KCNQ5: variants seen among roughly 807,000 people sequenced by gnomAD.
The protein encoded by KCNQ5 is potassium voltage-gated channel subfamily KQT member 5.
In KCNQ5, 30 loss-of-function variants were observed where a neutral mutation model predicts 98.2. The ratio of observed to expected loss-of-function variants is 0.31; its 90% CI spans 0.23 to 0.41. The LOEUF (loss-of-function observed/expected upper bound fraction) is 0.41, where lower values mean the gene tolerates loss of function less well. KCNQ5 is among the 10% of genes least tolerant of loss of function. The probability of loss-of-function intolerance (pLI) is 1.00; values close to 1 mark genes in which losing one functional copy is unlikely to be tolerated. For missense variants in KCNQ5, 835 were observed against 1,182.5 expected (o/e 0.71, Z 4.31); for synonymous variants, 458 against 449.4 (o/e 1.02, Z -0.24).
intron 2 of KCNQ5, among the ~76,000 whole-genome samples, chr6:73,035,106 A>C (rs1379011893): frequency 1.3e-5 from 2 of 151,886 alleles, no homozygotes; most frequent in Non-Finnish European, 2.9e-5. Context: ...CGGCTTCCGA[A>C]AGCGCTGGGA....
At position 72,684,274 on chromosome 6, in the gene KCNQ5, C is replaced by T. The variant is rs577218384; in HGVS notation, c.398+61687C>T. On this transcript the variant is annotated intron_variant, in intron 1 of 13. Coordinates refer to ENST00000370398, the MANE Select transcript of KCNQ5 (RefSeq NM_019842.4). ...TTGTGTGCACTGGCAGCAATGGCAT[C>T]CCACGCTTCCCTGACACTGGAGGAT... Among the ~76,000 whole-genome samples, 4 of 152,294 alleles carry T rather than the reference C, an allele frequency of 2.6e-5. No individual in the cohort carries two copies. In the South Asian group the frequency reaches 8.3e-4, roughly 32 times the overall value.
chr6:73,005,950 A>C (rs973222035), intron 2 of KCNQ5, among the ~76,000 whole-genome samples: 6 of 152,260 alleles, frequency 3.9e-5, no homozygotes, highest in Admixed American at 1.3e-4. Flanking sequence ...TAAGATTCAC[A>C]GATGAAATTC....
At chr6:72,976,408 T>G (rs1480579962) in intron 1 of KCNQ5, among the ~76,000 whole-genome samples, 3 of 152,214 alleles carry the variant, frequency 2.0e-5, no homozygotes, top group Non-Finnish European at 4.4e-5. Context: ...TTAAACCACA[T>G]AGATTCGTAT....
rs370376974 is a variant in KCNQ5, at chr6:72,683,360, A to G, written c.398+60773A>G. 3.5e-3 allele frequency among the ~76,000 whole-genome samples: 462 copies of G among 133,818 alleles called. 3 individuals are homozygous for G. The highest frequency in any genetic ancestry group is 0.013 in the African/African-American group (447 of 33,212). The allele number at this position is 133,818 out of a possible 152,430, so 87.8% of individuals were successfully genotyped here. ...TGAAGCAAGTGCTTGTTAGCCACAT[A>G]TACTTTTTTTTTTTTTTTTTTTTTT... On this transcript the variant is annotated intron_variant, in intron 1 of 13. Transcript: ENST00000370398.
intron 1 of KCNQ5, among the ~76,000 whole-genome samples, chr6:72,772,930 T>C (rs1322868294): frequency 5.3e-5 from 8 of 152,304 alleles, no homozygotes; most frequent in Non-Finnish European, 2.9e-5. Flanking sequence ...AATAGTTCTT[T>C]ATAGATCTCT....
At chr6:72,754,275 A>G (rs1040406792) in intron 1 of KCNQ5, among the ~76,000 whole-genome samples, 22 of 152,224 alleles carry the variant, frequency 1.4e-4, no homozygotes, top group East Asian at 1.9e-4. Context: ...ATCTATTGAC[A>G]TGTTGATTTT....
intron 2 of KCNQ5, among the ~76,000 whole-genome samples, chr6:73,035,592 A>G (rs1771377468): frequency 1.3e-5 from 2 of 152,204 alleles, no homozygotes; most frequent in Admixed American, 6.5e-5. Context: ...AATTTAAATC[A>G]TCTCGACTGA....
chr6:72,715,661 C>T (rs1211866361), intron 1 of KCNQ5, among the ~76,000 whole-genome samples: 1 of 151,882 alleles, frequency 6.6e-6, no homozygotes, highest in East Asian at 1.9e-4. Context: ...ATGGATGCCT[C>T]TAAATTTTAA....
intron 1 of KCNQ5, among the ~76,000 whole-genome samples, chr6:72,778,496 G>A (rs187139981): frequency 6.6e-6 from 1 of 150,762 alleles, no homozygotes; most frequent in Non-Finnish European, 1.5e-5. Flanking sequence ...CAGAGATCAC[G>A]CCACTGCACT....
chr6:73,154,141 A>G (rs2350389), intron 10 of KCNQ5, among the ~76,000 whole-genome samples: 113,535 of 151,946 alleles, frequency 0.75, 43,270 homozygotes, highest in East Asian at 0.88. Context: ...CTACAGCCTA[A>G]AAAAAATGTA....
chr6:72,664,516 A>C (rs1766695014), intron 1 of KCNQ5, among the ~76,000 whole-genome samples: 1 of 151,848 alleles, frequency 6.6e-6, no homozygotes, highest in Admixed American at 6.6e-5. Flanking sequence ...TTAACTGGGT[A>C]TGGTGGCACA....
At chr6:73,013,555 C>A (rs768090940) in intron 2 of KCNQ5, among the ~76,000 whole-genome samples, 1 of 152,128 alleles carries the variant, frequency 6.6e-6, no homozygotes, top group Non-Finnish European at 1.5e-5. Context: ...TTATTAGGCT[C>A]ATTGATTTCT....
intron 1 of KCNQ5, among the ~76,000 whole-genome samples, chr6:72,933,804 G>A (rs1582041904): frequency 6.6e-6 from 1 of 152,214 alleles, no homozygotes; most frequent in South Asian, 2.1e-4. Context: ...GGATTTTATA[G>A]TTTACCTTTG....
chr6:73,014,806 C>A (rs540261957), intron 2 of KCNQ5, among the ~76,000 whole-genome samples: 61 of 152,106 alleles, frequency 4.0e-4, no homozygotes, highest in African/African-American at 1.1e-3. Flanking sequence ...TTAATGCGGG[C>A]ACATGCATTT....
chr6:73,024,762 C>T (rs899960672), intron 2 of KCNQ5, among the ~76,000 whole-genome samples: 1 of 152,182 alleles, frequency 6.6e-6, no homozygotes, highest in Non-Finnish European at 1.5e-5. Context: ...CAAGGAGATT[C>T]ACTTTCCAAC....
intron 1 of KCNQ5, among the ~76,000 whole-genome samples, chr6:72,795,448 G>A (rs1774278821): frequency 6.6e-6 from 1 of 152,068 alleles, no homozygotes. Context: ...TTTTAATTTT[G>A]TACATATCCC....
chr6:72,946,055 C>T (rs914230957), intron 1 of KCNQ5, among the ~76,000 whole-genome samples: 6 of 152,158 alleles, frequency 3.9e-5, no homozygotes, highest in African/African-American at 1.4e-4. Flanking sequence ...CCAAAGGTCA[C>T]GTCTTCTCAC....
intron 1 of KCNQ5, among the ~76,000 whole-genome samples, chr6:72,634,319 T>C (rs779524702): frequency 6.6e-6 from 1 of 152,220 alleles, no homozygotes; most frequent in Admixed American, 6.5e-5. Context: ...TTCTAATTTT[T>C]CTTTAAATAT....
At chr6:73,032,429 G>A (rs7776021) in intron 2 of KCNQ5, among the ~76,000 whole-genome samples, 64,961 of 152,018 alleles carry the variant, frequency 0.43, 16,463 homozygotes, top group East Asian at 0.79. Flanking sequence ...AGGTCTCCCA[G>A]AGTGCTGAGA....
Sources: gnomAD v4.1 joint callset for allele counts (sites outside exome capture counted in the v4.1 genomes callset) on GRCh38, gnomAD v4.1.1 for gene constraint, MANE v1.5 for transcripts, NCBI Gene and HGNC (gene_info 2026-07-23, HGNC 2026-07-21) for gene names.